LIX1: variants seen among roughly 807,000 people sequenced by gnomAD.
LIX1 encodes protein limb expression 1 homolog.
In LIX1, 24 loss-of-function variants were observed where a neutral mutation model predicts 33.4. That is an observed-to-expected ratio of 0.72 (90% CI 0.52 to 1.01). LIX1 has a LOEUF of 1.01. Ranked by LOEUF, LIX1 falls within the 50% of genes least tolerant of loss-of-function variation. LIX1 has a pLI of 0.00. For synonymous variants in LIX1, 124 were observed against 124.0 expected, an observed-to-expected ratio of 1.00 and a Z score of 0.00; for missense variants, 311 against 339.2, an observed-to-expected ratio of 0.92 and a Z score of 0.65.
chr5:97,124,647 C>A lies in LIX1; in HGVS notation c.83-18G>T. The A allele has an allele frequency of 6.2e-7, 1 of 1,600,670 alleles. No homozygotes were observed. The highest frequency in any genetic ancestry group is 8.5e-7 in the Non-Finnish European group (1 of 1,172,046). On this transcript the variant is annotated intron_variant, in intron 1 of 5. Coordinates refer to ENST00000274382, the MANE Select transcript of LIX1 (RefSeq NM_153234.5). The stretch of plus-strand genomic sequence containing the variant: ...AACGTTCACTGAAAAAGACAAGAAA[C>A]ACCATCAGTTATTAAGGATGGACAT...
chr5:97,126,408 G>A (rs1291832545), intron 1 of LIX1, among the ~76,000 whole-genome samples: 20 of 152,150 alleles, frequency 1.3e-4, no homozygotes, highest in Admixed American at 1.3e-3. Context: ...ATGGTGTATA[G>A]TTCAGGCAAA....
chr5:97,140,963 A>G (rs551214713), intron 1 of LIX1, among the ~76,000 whole-genome samples: 55 of 152,246 alleles, frequency 3.6e-4, no homozygotes, highest in Non-Finnish European at 7.2e-4. Context: ...AAAGTCCTGG[A>G]TGACAGAACT....
intron 1 of LIX1, among the ~76,000 whole-genome samples, chr5:97,140,647 A>G (rs1201080838): frequency 2.6e-5 from 4 of 152,224 alleles, no homozygotes; most frequent in African/African-American, 9.6e-5. Flanking sequence ...CCAGAAAGTA[A>G]GCAGCCCATT....
At chr5:97,109,595 T>A (rs1747261858) in intron 2 of LIX1, among the ~76,000 whole-genome samples, 1 of 152,096 alleles carries the variant, frequency 6.6e-6, no homozygotes, top group Non-Finnish European at 1.5e-5. Context: ...ATTTCAATAG[T>A]TTTTGGGATA....
At chr5:97,113,589 A>G (rs1747525148) in intron 2 of LIX1, among the ~76,000 whole-genome samples, 1 of 152,198 alleles carries the variant, frequency 6.6e-6, no homozygotes. Context: ...TAAAGAGGTT[A>G]TACATCCCAA....
chr5:97,093,150 G>A lies in LIX1; in HGVS notation c.*1598C>T, dbSNP rs1746160661. On this transcript the variant is annotated 3_prime_UTR_variant, in exon 6 of 6. Transcript: ENST00000274382. ...ATACATGATAATCTTTTATTATCAAGTCTAATTCCAAAATACATGATCAGT... is the reference window on the plus strand; with the variant it reads ...ATACATGATAATCTTTTATTATCAAATCTAATTCCAAAATACATGATCAGT... 1 of 152,272 alleles carries A rather than the reference G, an allele frequency of 6.6e-6. No individual in the cohort carries two copies. Among genetic ancestry groups the A allele is most frequent in the Admixed American group, 6.5e-5 (1 of 15,274 alleles). 9.4% of individuals were successfully genotyped at this position (152,272 alleles called of 1,614,324 possible). A position where few individuals can be genotyped will look rare whatever the true frequency, so the allele number is the denominator to read the frequency against.
intron 2 of LIX1, among the ~76,000 whole-genome samples, chr5:97,117,262 C>T (rs564544210): frequency 2.6e-5 from 4 of 152,148 alleles, no homozygotes; most frequent in Non-Finnish European, 4.4e-5. Flanking sequence ...CATAGCATGT[C>T]GTCCATCTGA....
intron 4 of LIX1, among the ~76,000 whole-genome samples, chr5:97,100,618 A>G (rs1260034129): frequency 6.6e-6 from 1 of 152,192 alleles, no homozygotes; most frequent in African/African-American, 2.4e-5. Flanking sequence ...AACTCCAGGA[A>G]ATCTTTGCAT....
chr5:97,142,592 G>A lies in LIX1; in HGVS notation c.-16C>T, dbSNP rs377168077. ...TTCTGTCCATCTTGGGTCTGCCTGTGTGAGCCTCCTGTACAGAGTGTCCTC... is the reference window on the plus strand; with the variant it reads ...TTCTGTCCATCTTGGGTCTGCCTGTATGAGCCTCCTGTACAGAGTGTCCTC... On this transcript the variant is annotated 5_prime_UTR_variant, in exon 1 of 6. Transcript: ENST00000274382. 17 of 1,606,550 alleles carry A rather than the reference G, an allele frequency of 1.1e-5. No individual in the cohort carries two copies. The highest frequency in any genetic ancestry group is 1.0e-5 in the Non-Finnish European group (12 of 1,173,290).
At chr5:97,122,547 C>G (rs1561500898) in intron 2 of LIX1, among the ~76,000 whole-genome samples, 1 of 152,182 alleles carries the variant, frequency 6.6e-6, no homozygotes, top group Non-Finnish European at 1.5e-5. Context: ...TTGATTCAAT[C>G]TTGAGACTTT....
At chr5:97,126,637 C>CTTTTT (rs1016872695) in intron 1 of LIX1, among the ~76,000 whole-genome samples, 185 of 123,618 alleles carry the variant, frequency 1.5e-3, no homozygotes, top group African/African-American at 1.9e-3. Flanking sequence ...TATTTTCTTT[C>CTTTTT]TTTTTTTTTT....
rs1261637750 is a variant in LIX1, at chr5:97,124,328, GGTT to G, written c.246+135_246+137del. The G allele has an allele frequency of 4.6e-6, 3 of 646,534 alleles. No individual in the cohort carries two copies. The East Asian group carries it at 8.5e-5, about 18-fold the overall frequency. 40.0% of individuals were successfully genotyped at this position (646,534 alleles called of 1,614,324 possible). The stretch of plus-strand genomic sequence containing the variant: ...ATATTGGCAAATTTAATTCCTTTCT[GGTT>G]GTTTTCATTCATAGGATATGGTACA... On this transcript the variant is annotated intron_variant, in intron 2 of 5. Coordinates refer to ENST00000274382, the MANE Select transcript of LIX1 (RefSeq NM_153234.5).
rs1160588627 is a variant in LIX1 at position 97,129,440 on chromosome 5, G to A, written c.83-4811C>T. On this transcript the variant is annotated intron_variant, in intron 1 of 5. Coordinates refer to ENST00000274382, the MANE Select transcript of LIX1 (RefSeq NM_153234.5). ...TGCATGTTAAAATTTGAGATGCCTT[G>A]CTGTAGGAAGAAGTGACCATTCCTA... Among the ~76,000 whole-genome samples, 4 of 151,852 alleles carry A rather than the reference G, an allele frequency of 2.6e-5. No homozygotes were observed. The East Asian group carries it at 7.7e-4, about 29-fold the overall frequency.
chr5:97,096,979 C>G (rs1450064246), intron 4 of LIX1, 92 bp from the exon 5 acceptor site: 2 of 959,256 alleles, frequency 2.1e-6, no homozygotes, highest in Non-Finnish European at 3.4e-6. Context: ...CCAAATATAT[C>G]AGGAAACAGA....
intron 1 of LIX1, among the ~76,000 whole-genome samples, chr5:97,140,804 G>T (rs143304073): frequency 6.6e-6 from 1 of 152,126 alleles, no homozygotes; most frequent in Non-Finnish European, 1.5e-5. Flanking sequence ...TAATATTCAC[G>T]TCTATTAAGC....
chr5:97,119,333 C>T (rs1246229026), intron 2 of LIX1, among the ~76,000 whole-genome samples: 1 of 152,218 alleles, frequency 6.6e-6, no homozygotes, highest in Non-Finnish European at 1.5e-5. Context: ...CAGGAATGAG[C>T]ATGTAGGCTC....
chr5:97,109,928 T>C (rs1747285190), intron 2 of LIX1, among the ~76,000 whole-genome samples: 3 of 152,356 alleles, frequency 2.0e-5, no homozygotes, highest in Non-Finnish European at 1.5e-5. Flanking sequence ...TTTTGTTCAT[T>C]TATATGGCTA....
intron 1 of LIX1, among the ~76,000 whole-genome samples, chr5:97,135,302 G>T (rs1478235269): frequency 6.6e-6 from 1 of 152,218 alleles, no homozygotes; most frequent in Non-Finnish European, 1.5e-5. Context: ...TAATGAAGGT[G>T]TAAGAGGGAA....
rs911682534 is a variant in LIX1 at position 97,100,741 on chromosome 5, G to A, written c.484-3854C>T. ...CATGATTCTTTGCTGCCTGGTGTTC[G>A]CTGGCTCATATTCTACCTGGAGAAG... On this transcript the variant is annotated intron_variant, in intron 4 of 5. Transcript: ENST00000274382. Among the ~76,000 whole-genome samples the A allele has an allele frequency of 2.6e-5, 4 of 151,982 alleles. No individual in the cohort carries two copies. The South Asian group carries it at 6.2e-4, about 24-fold the overall frequency.
Sources: allele counts gnomAD v4.1 joint callset (sites outside exome capture counted in the v4.1 genomes callset), GRCh38; gene constraint gnomAD v4.1.1; transcripts MANE v1.5; gene names NCBI Gene and HGNC (gene_info 2026-07-23, HGNC 2026-07-21).